Variants in KHDRBS2 observed in about 807,000 individuals in gnomAD.
The protein encoded by KHDRBS2 is KH domain-containing, RNA-binding, signal transduction-associated protein 2.
In KHDRBS2, 26 loss-of-function variants were observed where a neutral mutation model predicts 44.3. The observed-to-expected ratio is 0.59, with a 90% CI of 0.43 to 0.81. The LOEUF is 0.81. Ranked by LOEUF, KHDRBS2 falls within the 40% of genes least tolerant of loss-of-function variation. KHDRBS2 has a pLI of 0.00. For missense variants in KHDRBS2, 476 were observed against 433.1 expected, an observed-to-expected ratio of 1.10 and a Z score of -0.88; for synonymous variants, 194 against 151.1, an observed-to-expected ratio of 1.28 and a Z score of -2.08.
intron 1 of KHDRBS2, among the ~76,000 whole-genome samples, chr6:62,265,757 T>C (rs1401593348): frequency 1.3e-5 from 2 of 151,962 alleles, no homozygotes; most frequent in Non-Finnish European, 2.9e-5. Flanking sequence ...CAGCAGCAAA[T>C]GGAAAGGCAG....
At chr6:62,166,119 G>A (rs769190365) in intron 2 of KHDRBS2, among the ~76,000 whole-genome samples, 14 of 152,042 alleles carry the variant, frequency 9.2e-5, no homozygotes, top group Non-Finnish European at 1.5e-4. Context: ...CATCTATGTC[G>A]TAGAATGTAA....
At chr6:61,698,475 T>C (rs955877218) in intron 7 of KHDRBS2, among the ~76,000 whole-genome samples, 11 of 152,288 alleles carry the variant, frequency 7.2e-5, no homozygotes, top group African/African-American at 2.2e-4. Context: ...AAGTTATTAC[T>C]ATCTCTCATT....
At chr6:61,953,340 A>C (rs1410846090) in intron 4 of KHDRBS2, among the ~76,000 whole-genome samples, 1 of 152,058 alleles carries the variant, frequency 6.6e-6, no homozygotes, top group Non-Finnish European at 1.5e-5. Flanking sequence ...GACTTGTAAA[A>C]ATTATAGTTA....
chr6:61,594,555 T>C, the KHDRBS2 span, among the ~76,000 whole-genome samples: 1 of 152,126 alleles, frequency 6.6e-6, no homozygotes, highest in Non-Finnish European at 1.5e-5. Context: ...TGGCCATGGT[T>C]AGAGATGCAA....
intron 6 of KHDRBS2, among the ~76,000 whole-genome samples, chr6:61,802,321 A>C (rs751413390): frequency 6.6e-6 from 1 of 152,256 alleles, no homozygotes; most frequent in Admixed American, 6.5e-5. Context: ...TGATCTACTG[A>C]CTGTGGTAAT....
At chr6:61,914,623 C>G (rs944620227) in intron 4 of KHDRBS2, among the ~76,000 whole-genome samples, 1 of 151,982 alleles carries the variant, frequency 6.6e-6, no homozygotes, top group Non-Finnish European at 1.5e-5. Flanking sequence ...GAAACCTGCA[C>G]GTTGTGCACA....
intron 6 of KHDRBS2, among the ~76,000 whole-genome samples, chr6:61,746,666 C>A (rs2127566522): frequency 6.6e-6 from 1 of 151,980 alleles, no homozygotes; most frequent in South Asian, 2.1e-4. Context: ...GGGTATATAC[C>A]CAGTAACGGG....
At chr6:61,589,121 G>A in the KHDRBS2 span, among the ~76,000 whole-genome samples, 4 of 152,214 alleles carry the variant, frequency 2.6e-5, no homozygotes, top group African/African-American at 9.6e-5. Context: ...AATACCTAAT[G>A]CATGCAGGAC....
At chr6:61,587,149 T>TA in the KHDRBS2 span, among the ~76,000 whole-genome samples, 2 of 152,300 alleles carry the variant, frequency 1.3e-5, no homozygotes, top group East Asian at 3.9e-4. Context: ...GCAAGCCTCC[T>TA]AATGAGGAAG....
chr6:61,712,126 G>A (rs1054207527), intron 7 of KHDRBS2, among the ~76,000 whole-genome samples: 3 of 151,680 alleles, frequency 2.0e-5, no homozygotes, highest in Admixed American at 6.6e-5. Flanking sequence ...GAAGACAAGC[G>A]GAAACACATA....
intron 2 of KHDRBS2, among the ~76,000 whole-genome samples, chr6:62,151,768 G>C (rs1002579591): frequency 5.3e-5 from 8 of 152,140 alleles, no homozygotes; most frequent in Non-Finnish European, 7.4e-5. Flanking sequence ...ACTGTCAGTA[G>C]ATTGTCCTAG....
the KHDRBS2 span, among the ~76,000 whole-genome samples, chr6:61,547,381 A>G: frequency 6.6e-6 from 1 of 152,144 alleles, no homozygotes; most frequent in Non-Finnish European, 1.5e-5. Context: ...GTGTAACCTC[A>G]TTATCTTCCT....
At chr6:61,913,486 A>G (rs1280026883) in intron 4 of KHDRBS2, among the ~76,000 whole-genome samples, 6 of 151,626 alleles carry the variant, frequency 4.0e-5, no homozygotes, top group Non-Finnish European at 8.8e-5. Flanking sequence ...TCCTCAGTGA[A>G]GAAATATATT....
intron 1 of KHDRBS2, among the ~76,000 whole-genome samples, chr6:62,206,829 T>C (rs1484308180): frequency 2.6e-5 from 4 of 152,114 alleles, no homozygotes; most frequent in Admixed American, 1.3e-4. Context: ...CTAAAGAATA[T>C]TTTGTTTTTC....
Position 61,984,275 on chromosome 6 carries a change from T to G in KHDRBS2, c.337-6063A>C, listed in dbSNP as rs74865151. Among the ~76,000 whole-genome samples, 571 of 152,318 alleles carry G rather than the reference T, an allele frequency of 3.7e-3. 1 individual carries two copies. Among genetic ancestry groups the G allele is most frequent in the Non-Finnish European group, 6.1e-3 (412 of 68,026 alleles). ...TCCTATGCTTCAATCATTAATCTTT[T>G]TGTTTCCCTTTTACAGATATCATAT... On this transcript the variant is annotated intron_variant, in intron 3 of 8. Coordinates refer to ENST00000281156, the MANE Select transcript of KHDRBS2 (RefSeq NM_152688.4).
In KHDRBS2 at chr6:62,249,053, T is replaced by G. The variant is rs115471177; in HGVS notation, c.91+36805A>C. ...AATGTCTGTGGAAAAGTAATGAGGC[T>G]AATCAATTTTTTTACAACTCAGTGC... On this transcript the variant is annotated intron_variant, in intron 1 of 8. Coordinates refer to ENST00000281156, the MANE Select transcript of KHDRBS2 (RefSeq NM_152688.4). Among the ~76,000 whole-genome samples the G allele has an allele frequency of 2.5e-3, 379 of 152,242 alleles. 3 individuals carry two copies. Among genetic ancestry groups the G allele is most frequent in the African/African-American group, 8.3e-3 (347 of 41,564 alleles).
At chr6:61,869,266 C>T (rs1798244735) in intron 6 of KHDRBS2, among the ~76,000 whole-genome samples, 1 of 152,180 alleles carries the variant, frequency 6.6e-6, no homozygotes, top group African/African-American at 2.4e-5. Flanking sequence ...ACTGTAGCTG[C>T]TTCTTCACAC....
At chr6:61,846,410 A>G (rs1292223256) in intron 6 of KHDRBS2, among the ~76,000 whole-genome samples, 2 of 152,196 alleles carry the variant, frequency 1.3e-5, no homozygotes, top group African/African-American at 4.8e-5. Flanking sequence ...AATGAGTCAC[A>G]TAGACGTGTT....
chr6:61,661,481 G>A, the KHDRBS2 span: 1 of 151,836 alleles, frequency 6.6e-6, no homozygotes, highest in African/African-American at 2.4e-5. Flanking sequence ...AATAACAGTA[G>A]CAGTTGTCAA....
Sources: allele counts gnomAD v4.1 joint callset (sites outside exome capture counted in the v4.1 genomes callset), GRCh38; gene constraint gnomAD v4.1.1; transcripts MANE v1.5; gene names NCBI Gene and HGNC (gene_info 2026-07-23, HGNC 2026-07-21).